The following AKAP8L variants were observed in gnomAD, a reference collection of about 807,000 sequenced individuals.
AKAP8L encodes the protein A-kinase anchor protein 8-like.
In AKAP8L, 34 loss-of-function variants were observed where a neutral mutation model predicts 77.5. The ratio of observed to expected loss-of-function variants is 0.44; its 90% CI spans 0.33 to 0.58. AKAP8L has a LOEUF of 0.58. Among genes scored for constraint, AKAP8L ranks in the 20% least tolerant of loss-of-function variants. AKAP8L has a pLI of 0.02. For synonymous variants in AKAP8L, 342 were observed against 340.7 expected (o/e 1.00, Z -0.04); for missense variants, 806 against 887.6 (o/e 0.91, Z 1.17).
At chr19:15,400,093 G>GC (rs1967860236) in intron 8 of AKAP8L, 1 of 613,300 alleles carries the variant, frequency 1.6e-6, no homozygotes, top group Non-Finnish European at 2.9e-6. Context: ...ACCATCCACA[G>GC]CCTCCGCCTG....
chr19:15,402,208 G>A (rs1007139296), intron 4 of AKAP8L, among the ~76,000 whole-genome samples: 6 of 152,136 alleles, frequency 3.9e-5, no homozygotes, highest in Non-Finnish European at 7.3e-5. Context: ...ATCAACCCTG[G>A]AGCCCAGAGC....
intron 12 of AKAP8L, among the ~76,000 whole-genome samples, chr19:15,382,227 A>G (rs77050892): frequency 1.6e-4 from 2 of 12,382 alleles, no homozygotes; most frequent in African/African-American, 3.6e-4. Context: ...TTTTTTTTTA[A>G]GACAGTCTCG....
intron 4 of AKAP8L, among the ~76,000 whole-genome samples, chr19:15,402,437 G>A (rs1967918558): frequency 6.6e-6 from 1 of 152,186 alleles, no homozygotes; most frequent in Admixed American, 6.5e-5. Flanking sequence ...GCAGCTCTAA[G>A]AGCAGCAGTT....
Position 15,400,803 on chromosome 19 carries a change from G to A in AKAP8L, c.975C>T (p.Gly325=), listed in dbSNP as rs1967877824. ...GLEGTEAVEK[G]SRVDGEDEEG... The stretch of plus-strand genomic sequence containing the variant: ...AGCCAGAGCCACTTACCACTCTGGA[G>A]CCCTTCTCCACAGCCTCGGTGCCTT... The change falls in exon 7 of 14, where the codon GGC becomes GGT. Residue 325 remains glycine, a synonymous_variant. Coordinates refer to ENST00000397410, the MANE Select transcript of AKAP8L (RefSeq NM_014371.4). 3 of 1,613,984 alleles carry A rather than the reference G, an allele frequency of 1.9e-6. No individual in the cohort carries two copies. Among genetic ancestry groups the A allele is most frequent in the Non-Finnish European group, 2.5e-6 (3 of 1,179,898 alleles).
intron 12 of AKAP8L, 141 bp from the exon 13 acceptor site, chr19:15,380,753 A>G (rs1343966636): frequency 3.0e-6 from 2 of 677,748 alleles, no homozygotes; most frequent in African/African-American, 1.8e-5. Flanking sequence ...GCCACTCCAC[A>G]AGCATGGAAC....
intron 1 of AKAP8L, among the ~76,000 whole-genome samples, chr19:15,415,047 A>G (rs569907381): frequency 6.6e-6 from 1 of 152,266 alleles, no homozygotes; most frequent in East Asian, 1.9e-4. Context: ...TCCTGGGCTT[A>G]AGCAATCCTC....
chr19:15,397,118 C>T lies in AKAP8L; in HGVS notation c.1536+32G>A, dbSNP rs1190966798. 6.2e-7 allele frequency: 1 copy of T among 1,611,048 alleles called. No homozygotes were observed. The highest frequency in any genetic ancestry group is 8.5e-7 in the Non-Finnish European group (1 of 1,178,338). ...CCAGAGGCCTCACTCAATCTACCCA[C>T]AGGACAGAGGGAGAGCACTGTGGCC... On this transcript the variant is annotated intron_variant, in intron 12 of 13. Transcript: ENST00000397410. This position sits in a 1 kb window ranked among gnomAD's most constrained non-coding sequence, Gnocchi z 4.7.
chr19:15,388,936 C>T (rs555376313), intron 12 of AKAP8L, among the ~76,000 whole-genome samples: 12 of 146,102 alleles, frequency 8.2e-5, no homozygotes, highest in Non-Finnish European at 1.5e-4. Context: ...TGAACTTGGC[C>T]GAGCTCGGTG....
At chr19:15,387,891 G>A (rs1050851431) in intron 12 of AKAP8L, among the ~76,000 whole-genome samples, 15 of 152,126 alleles carry the variant, frequency 9.9e-5, no homozygotes, top group Non-Finnish European at 4.4e-5. Context: ...CCTGAGAGGT[G>A]GAGGTTGCAG....
At chr19:15,415,631 A>C (rs1968190232) in intron 1 of AKAP8L, among the ~76,000 whole-genome samples, 1 of 152,144 alleles carries the variant, frequency 6.6e-6, no homozygotes, top group Non-Finnish European at 1.5e-5. Flanking sequence ...TCATGCCCGT[A>C]ATCCCAGCAC....
chr19:15,394,379 G>A (rs969577807), intron 12 of AKAP8L, among the ~76,000 whole-genome samples: 1 of 152,176 alleles, frequency 6.6e-6, no homozygotes, highest in African/African-American at 2.4e-5. Context: ...CAAATAGAGA[G>A]AGATAGATTA....
At chr19:15,400,394 C>CTTTTT in intron 7 of AKAP8L, 36 bp from the exon 8 acceptor site, 1 of 1,382,082 alleles carries the variant, frequency 7.2e-7, no homozygotes, top group Non-Finnish European at 9.9e-7. Flanking sequence ...AAACAGGTGC[C>CTTTTT]TTTTTTTTTT....
intron 12 of AKAP8L, among the ~76,000 whole-genome samples, chr19:15,396,606 C>T (rs1353142650): frequency 1.3e-5 from 2 of 152,200 alleles, no homozygotes; most frequent in African/African-American, 2.4e-5. Context: ...ACATGCCAGC[C>T]CCCGGCTCCC....
chr19:15,400,935 T>A lies in AKAP8L; in HGVS notation c.913+12A>T. The stretch of plus-strand genomic sequence containing the variant: ...CAGGGGGCAGCCGCCCAGTACCACC[T>A]AGTGGGCTCACCATTGTCTGAGTCG... On this transcript the variant is annotated intron_variant, in intron 6 of 13. Coordinates refer to ENST00000397410, the MANE Select transcript of AKAP8L (RefSeq NM_014371.4). The A allele has an allele frequency of 6.2e-7, 1 of 1,613,864 alleles. No homozygotes were observed. The highest frequency in any genetic ancestry group is 8.5e-7 in the Non-Finnish European group (1 of 1,179,862).
At chr19:15,405,187 G>A (rs1466408491) in intron 2 of AKAP8L, among the ~76,000 whole-genome samples, 1 of 152,184 alleles carries the variant, frequency 6.6e-6, no homozygotes, top group Non-Finnish European at 1.5e-5. Context: ...GGTAGCTGAG[G>A]AAAGAATGGA....
In AKAP8L at chr19:15,400,358, C is replaced by G; in HGVS notation, c.985G>C (p.Asp329His). ...TEAVEKGSRV[D>H]GEDEEGKEDG... is the part of the protein sequence containing the mutation. The stretch of plus-strand genomic sequence containing the variant: ...TCTTTTCCCTCCTCATCCTCTCCGT[C>G]CTAACAATTTCAAATTCCAACTTTA... The change falls in exon 8 of 14, where the codon GAC (aspartate) becomes CAC (histidine). Residue 329 changes from aspartate (D) to histidine (H), a missense_variant and splice_region_variant. Coordinates refer to ENST00000397410, the MANE Select transcript of AKAP8L (RefSeq NM_014371.4). 1 of 1,609,984 alleles carries G rather than the reference C, an allele frequency of 6.2e-7. No homozygotes were observed. The highest frequency in any genetic ancestry group is 8.5e-7 in the Non-Finnish European group (1 of 1,178,732).
chr19:15,403,939 G>C lies in AKAP8L; in HGVS notation c.121+71C>G. 6.4e-7 allele frequency: 1 copy of C among 1,569,370 alleles called. No homozygotes were observed. Among genetic ancestry groups the C allele is most frequent in the Non-Finnish European group, 8.8e-7 (1 of 1,142,016 alleles). On this transcript the variant is annotated intron_variant, in intron 3 of 13. Transcript: ENST00000397410. This position sits in a 1 kb window ranked among gnomAD's most constrained non-coding sequence, Gnocchi z 4.3. The stretch of plus-strand genomic sequence containing the variant: ...CCCCACTCCCAACCTTGGCCAAGCA[G>C]GGCAGTGGCAGAGAAACACAGCCAG...
intron 1 of AKAP8L, among the ~76,000 whole-genome samples, chr19:15,414,590 G>C (rs1459261592): frequency 6.6e-6 from 1 of 152,016 alleles, no homozygotes; most frequent in African/African-American, 2.4e-5. Context: ...CTGGGGTCAC[G>C]CCATTCTCCT....
chr19:15,397,678 A>G lies in AKAP8L; in HGVS notation c.1299+36T>C, dbSNP rs1967805595. ...GCCGCCTTATGTTCTCAGGGGTCCA[A>G]GAAACTAAGAGCGGCTGTGTTACTC... On this transcript the variant is annotated intron_variant, in intron 10 of 13. Transcript: ENST00000397410. The surrounding 1 kb of genome is among the most constrained non-coding windows in gnomAD (Gnocchi z 4.7). 6.2e-7 allele frequency: 1 copy of G among 1,614,018 alleles called. No homozygotes were observed.
Sources: allele counts gnomAD v4.1 joint callset (sites outside exome capture counted in the v4.1 genomes callset), GRCh38; gene constraint gnomAD v4.1.1; non-coding constraint Gnocchi (gnomAD v3.1); transcripts MANE v1.5; gene names NCBI Gene and HGNC (gene_info 2026-07-23, HGNC 2026-07-21).